Variants in ATXN3 observed in about 807,000 individuals in gnomAD.
ATXN3 encodes the protein ataxin-3.
ATXN3 carries 28 observed loss-of-function variants against 58.2 expected under a neutral mutation model. The ratio of observed to expected loss-of-function variants is 0.48; its 90% confidence interval spans 0.36 to 0.66. The LOEUF is 0.66. ATXN3 is among the 30% of genes least tolerant of loss of function. ATXN3 has a pLI of 0.00. For missense variants in ATXN3, 321 were observed against 422.1 expected (o/e 0.76, Z 2.10); for synonymous variants, 113 against 138.5 (o/e 0.82, Z 1.29).
chr14:92,086,337 C>T (rs911170091), intron 6 of ATXN3, among the ~76,000 whole-genome samples: 1 of 149,326 alleles, frequency 6.7e-6, no homozygotes, highest in Admixed American at 6.7e-5. Context: ...CCGAGGTGGG[C>T]GGCTCACCTG....
At chr14:92,093,943 G>GTT in intron 3 of ATXN3, 112 bp from the exon 4 acceptor site, 1 of 542,286 alleles carries the variant, frequency 1.8e-6, no homozygotes, top group Non-Finnish European at 3.2e-6. Flanking sequence ...GAAGGCTATA[G>GTT]GTTTTTTTTT....
intron 9 of ATXN3, chr14:92,080,585 G>A: frequency 3.7e-6 from 1 of 270,960 alleles, no homozygotes. Context: ...CCAGTCTGGA[G>A]GGCAGTGGTG....
chr14:92,048,567 C>T (rs765498783), intron 1 of ATXN3, among the ~76,000 whole-genome samples: 5 of 152,182 alleles, frequency 3.3e-5, no homozygotes, highest in Admixed American at 6.5e-5. Flanking sequence ...AGAGCCTAAA[C>T]GCTAACTGAT....
chr14:92,045,177 T>A (rs2057421519), intron 2 of ATXN3, among the ~76,000 whole-genome samples: 1 of 152,196 alleles, frequency 6.6e-6, no homozygotes, highest in Non-Finnish European at 1.5e-5. Flanking sequence ...TGTCCAGTCC[T>A]TTTTAAGTTG....
chr14:92,087,784 G>T (rs2062916891), intron 6 of ATXN3, among the ~76,000 whole-genome samples: 1 of 152,196 alleles, frequency 6.6e-6, no homozygotes. Context: ...ACAAAACATG[G>T]TTTAAAGATA....
chr14:92,095,935 C>CT (rs1384056638), intron 3 of ATXN3, among the ~76,000 whole-genome samples, 158 bp downstream of exon 3: 1 of 151,816 alleles, frequency 6.6e-6, no homozygotes, highest in East Asian at 1.9e-4. Context: ...GAACGAGACT[C>CT]TGTCTCAAGA....
At chr14:92,066,151 T>C (rs892503212) in intron 10 of ATXN3, among the ~76,000 whole-genome samples, 5 of 152,120 alleles carry the variant, frequency 3.3e-5, no homozygotes, top group African/African-American at 1.2e-4. Flanking sequence ...ATAGATGCTA[T>C]GTCATATGGT....
intron 1 of ATXN3, among the ~76,000 whole-genome samples, chr14:92,099,261 A>T (rs1454420387): frequency 1.3e-5 from 2 of 152,212 alleles, no homozygotes; most frequent in African/African-American, 4.8e-5. Flanking sequence ...TGCAAGACGG[A>T]TATTTTTCCT....
intron 1 of ATXN3, among the ~76,000 whole-genome samples, chr14:92,103,959 G>A (rs1183833502): frequency 1.3e-5 from 2 of 152,134 alleles, no homozygotes; most frequent in African/African-American, 4.8e-5. Context: ...TTCCCAGAAT[G>A]GACTGTATAG....
chr14:92,093,229 C>A (rs750301693), intron 5 of ATXN3, 23 bp downstream of exon 5: 2 of 1,464,898 alleles, frequency 1.4e-6, no homozygotes, highest in Admixed American at 3.7e-5. Context: ...GAAAAAAAGA[C>A]AAGGAAGGGT....
intron 7 of ATXN3, among the ~76,000 whole-genome samples, chr14:92,082,676 TCTGA>T (rs1168692758): frequency 6.8e-6 from 1 of 146,434 alleles, no homozygotes; most frequent in African/African-American, 2.5e-5. Context: ...TGAGACAGGG[TCTGA>T]CTCTCTCGAC....
At chr14:92,093,033 G>GTT (rs11160039) in intron 5 of ATXN3, among the ~76,000 whole-genome samples, 20 of 140,808 alleles carry the variant, frequency 1.4e-4, no homozygotes, top group African/African-American at 3.6e-4. Context: ...CTGGCTCTTT[G>GTT]TTTTTTTTTT....
intron 10 of ATXN3, among the ~76,000 whole-genome samples, chr14:92,065,849 C>T (rs1195726677): frequency 6.6e-6 from 1 of 151,868 alleles, no homozygotes; most frequent in Non-Finnish European, 1.5e-5. Flanking sequence ...CCACTGCACT[C>T]CAGCCTCAGT....
chr14:92,048,033 G>A (rs1259285259), intron 1 of ATXN3: 1 of 152,576 alleles, frequency 6.6e-6, no homozygotes, highest in Non-Finnish European at 1.5e-5. Flanking sequence ...TTTGGCCAGA[G>A]TTCTAGGGGC....
At chr14:92,053,484 C>T (rs1316201487), upstream of ATXN3, among the ~76,000 whole-genome samples, 3 of 145,052 alleles carry the variant, frequency 2.1e-5, no homozygotes, top group Non-Finnish European at 3.0e-5. Context: ...TTTTTTTTTT[C>T]TTTCTTTCTT....
At chr14:92,047,449 TG>T (rs2140161630) in intron 2 of ATXN3, among the ~76,000 whole-genome samples, 1 of 152,194 alleles carries the variant, frequency 6.6e-6, no homozygotes, top group East Asian at 1.9e-4. Flanking sequence ...AGTTGTGGGA[TG>T]GAATAGTGGC....
At position 92,064,308 on chromosome 14, in the gene ATXN3, T is replaced by C. The variant is rs2057997136; in HGVS notation, c.*12A>G. 1.3e-6 allele frequency: 2 copies of C among 1,560,142 alleles called. No homozygotes were observed. The highest frequency in any genetic ancestry group is 1.1e-5 in the South Asian group (1 of 89,458). On this transcript the variant is annotated 3_prime_UTR_variant, in exon 11 of 11. Transcript: ENST00000644486. ...TGGAAAGTATGAATATCTAAATTAT[T>C]TTTTAAAGGTATTATTTTTTTCCTT...
At chr14:92,071,936 C>G (rs1167095019) in intron 9 of ATXN3, among the ~76,000 whole-genome samples, 1 of 152,154 alleles carries the variant, frequency 6.6e-6, no homozygotes, top group Non-Finnish European at 1.5e-5. Flanking sequence ...CTTTATTTCC[C>G]TCTTTATGGC....
intron 9 of ATXN3, among the ~76,000 whole-genome samples, chr14:92,074,185 G>A (rs1386578490): frequency 6.6e-6 from 1 of 151,728 alleles, no homozygotes; most frequent in Admixed American, 6.6e-5. Context: ...AAATTGGCTG[G>A]GCACAGTGGC....
Sources: gnomAD v4.1 joint callset for allele counts (sites outside exome capture counted in the v4.1 genomes callset) on GRCh38, gnomAD v4.1.1 for gene constraint, MANE v1.5 for transcripts, NCBI Gene and HGNC (gene_info 2026-07-23, HGNC 2026-07-21) for gene names.